The following CNTNAP5 variants were observed in gnomAD, a reference collection of about 807,000 sequenced individuals.
CNTNAP5 encodes the protein contactin associated protein family member 5, also known as contactin-associated protein-like 5.
A neutral mutation model predicts 150.2 loss-of-function variants in CNTNAP5; 72 were observed. The ratio of observed to expected loss-of-function variants is 0.48; its 90% CI spans 0.40 to 0.58. The LOEUF (loss-of-function observed/expected upper bound fraction) is 0.58, where lower values mean the gene tolerates loss of function less well. Among genes scored for constraint, CNTNAP5 ranks in the 20% least tolerant of loss-of-function variants. CNTNAP5 has a pLI of 0.00. For missense variants in CNTNAP5, 1,636 were observed against 1,626.2 expected, an observed-to-expected ratio of 1.01 and a Z score of -0.10; for synonymous variants, 672 against 619.8, an observed-to-expected ratio of 1.08 and a Z score of -1.25.
chr2:124,353,766 G>A (rs1251865618), intron 3 of CNTNAP5, among the ~76,000 whole-genome samples: 4 of 152,198 alleles, frequency 2.6e-5, no homozygotes, highest in Non-Finnish European at 5.9e-5. Flanking sequence ...ACAGTTAAAA[G>A]TGTAGACAGT....
intron 13 of CNTNAP5, among the ~76,000 whole-genome samples, chr2:124,695,413 T>A (rs1262606875): frequency 6.6e-6 from 1 of 152,162 alleles, no homozygotes; most frequent in African/African-American, 2.4e-5. Flanking sequence ...ACAACTATGT[T>A]TCACAGCCAA....
intron 13 of CNTNAP5, chr2:124,680,846 G>A (rs1679051329): frequency 6.6e-6 from 1 of 151,674 alleles, no homozygotes; most frequent in African/African-American, 2.4e-5. Context: ...TTTTTTGTGG[G>A]GGTTGGCTAA....
At position 124,025,404 on chromosome 2, in the gene CNTNAP5, G is replaced by A. The variant is rs891884596; in HGVS notation, c.-247G>A. The A allele has an allele frequency of 3.4e-5, 19 of 553,860 alleles. No individual in the cohort carries two copies. Among genetic ancestry groups the A allele is most frequent in the African/African-American group, 3.2e-4 (17 of 52,854 alleles). 34.3% of individuals were successfully genotyped at this position (553,860 alleles called of 1,614,324 possible). On this transcript the variant is annotated 5_prime_UTR_variant, in exon 1 of 24. Coordinates refer to ENST00000682447, the MANE Select transcript of CNTNAP5 (RefSeq NM_001367498.1). ...GGAGGGGGGAAGAGAAGGAAGAGGC[G>A]GGCGAGGAAGGCGAGTCCAGCTAGC... is the stretch of plus-strand genomic sequence containing the variant.
At chr2:124,732,900 T>A (rs1680303532) in intron 13 of CNTNAP5, among the ~76,000 whole-genome samples, 1 of 152,170 alleles carries the variant, frequency 6.6e-6, no homozygotes, top group Non-Finnish European at 1.5e-5. Flanking sequence ...CATGAGGGAT[T>A]TCCACTTTGA....
At chr2:124,551,028 A>G (rs944477054) in intron 10 of CNTNAP5, among the ~76,000 whole-genome samples, 1 of 152,092 alleles carries the variant, frequency 6.6e-6, no homozygotes, top group Non-Finnish European at 1.5e-5. Flanking sequence ...TCAGGGTCAT[A>G]CATTTTTCAG....
chr2:124,482,667 G>A (rs1051431414), intron 7 of CNTNAP5, among the ~76,000 whole-genome samples: 7 of 152,176 alleles, frequency 4.6e-5, no homozygotes, highest in Non-Finnish European at 8.8e-5. Flanking sequence ...GCTTGAGGGC[G>A]GAATCCTTGT....
At chr2:124,126,910 C>T (rs1025122494) in intron 1 of CNTNAP5, among the ~76,000 whole-genome samples, 1 of 152,138 alleles carries the variant, frequency 6.6e-6, no homozygotes, top group African/African-American at 2.4e-5. Context: ...GGACGTATCT[C>T]AAAATAATAA....
intron 3 of CNTNAP5, among the ~76,000 whole-genome samples, chr2:124,282,570 T>C (rs1688039589): frequency 6.6e-6 from 1 of 152,078 alleles, no homozygotes; most frequent in African/African-American, 2.4e-5. Context: ...TTAATGTATG[T>C]AGTTTAAAAT....
rs946683626 is a variant in CNTNAP5 at position 124,916,798 on chromosome 2, T to C, written c.*2510T>C. The stretch of plus-strand genomic sequence containing the variant: ...TACATACCACAGACCTAAATGTAGA[T>C]GCCAGGACAGTGCCGTCTACACGTC... On this transcript the variant is annotated 3_prime_UTR_variant, in exon 24 of 24. Transcript: ENST00000682447. 5.9e-5 allele frequency among the ~76,000 whole-genome samples: 9 copies of C among 152,026 alleles called. No homozygotes were observed. Among genetic ancestry groups the C allele is most frequent in the Middle Eastern group, 3.2e-3 (1 of 316 alleles).
At chr2:124,062,455 C>T (rs1319291844) in intron 1 of CNTNAP5, among the ~76,000 whole-genome samples, 2 of 152,164 alleles carry the variant, frequency 1.3e-5, no homozygotes, top group Non-Finnish European at 2.9e-5. Flanking sequence ...ATGGGCTATA[C>T]CACTGTGATT....
chr2:124,864,532 CTCTCTCTCTCTCTG>C (rs1219949684), intron 19 of CNTNAP5, among the ~76,000 whole-genome samples: 3 of 144,890 alleles, frequency 2.1e-5, no homozygotes, highest in South Asian at 4.5e-4. Flanking sequence ...CTAATATTCT[CTCTCTCTCTCTCTG>C]TCTCTCTCTC....
intron 1 of CNTNAP5, among the ~76,000 whole-genome samples, chr2:124,093,292 T>G (rs1449497742): frequency 1.3e-5 from 2 of 152,232 alleles, no homozygotes; most frequent in African/African-American, 4.8e-5. Context: ...AAATGGGAAC[T>G]AAGAATAGCT....
chr2:124,189,294 A>T (rs187700452), intron 1 of CNTNAP5, among the ~76,000 whole-genome samples: 2 of 152,304 alleles, frequency 1.3e-5, no homozygotes, highest in Non-Finnish European at 2.9e-5. Context: ...TGAATACTTA[A>T]TATTATTGAA....
chr2:124,448,451 G>A (rs1692883470), intron 6 of CNTNAP5, among the ~76,000 whole-genome samples: 1 of 152,104 alleles, frequency 6.6e-6, no homozygotes, highest in African/African-American at 2.4e-5. Context: ...TGGGGATACT[G>A]TAGGTTGGGC....
chr2:124,541,753 A>G (rs1010105118), intron 10 of CNTNAP5, among the ~76,000 whole-genome samples: 16 of 152,312 alleles, frequency 1.1e-4, no homozygotes, highest in African/African-American at 3.8e-4. Flanking sequence ...AACTATCGAT[A>G]AATAGCTGGG....
intron 3 of CNTNAP5, among the ~76,000 whole-genome samples, chr2:124,344,655 C>T (rs1178477365): frequency 6.6e-6 from 1 of 152,106 alleles, no homozygotes; most frequent in Non-Finnish European, 1.5e-5. Context: ...CCTCAGGAGG[C>T]TAAGGCAGGA....
intron 8 of CNTNAP5, among the ~76,000 whole-genome samples, chr2:124,506,291 G>A (rs532780037): frequency 7.2e-5 from 11 of 151,826 alleles, no homozygotes; most frequent in East Asian, 3.9e-4. Context: ...TCTTTGTATC[G>A]CAGATTCCAG....
At chr2:124,173,253 C>G (rs1478482450) in intron 1 of CNTNAP5, among the ~76,000 whole-genome samples, 1 of 152,224 alleles carries the variant, frequency 6.6e-6, no homozygotes, top group East Asian at 1.9e-4. Flanking sequence ...GAAAATAGAA[C>G]AACTAATAAC....
intron 3 of CNTNAP5, among the ~76,000 whole-genome samples, chr2:124,358,992 G>A (rs1208350452): frequency 6.7e-6 from 1 of 149,856 alleles, no homozygotes; most frequent in Non-Finnish European, 1.5e-5. Context: ...TCCTGTTATT[G>A]GTCTATTCAG....
Sources: allele counts gnomAD v4.1 joint callset (sites outside exome capture counted in the v4.1 genomes callset), GRCh38; gene constraint gnomAD v4.1.1; transcripts MANE v1.5; gene names NCBI Gene and HGNC (gene_info 2026-07-23, HGNC 2026-07-21).